HPS4: variants seen among roughly 807,000 people sequenced by gnomAD.
HPS4 encodes HPS4 biogenesis of lysosomal organelles complex 3 subunit 2, also known as BLOC-3 complex member HPS4.
Under a neutral mutation model 70.3 loss-of-function variants are expected in HPS4, and 44 were observed. The observed-to-expected ratio is 0.63, with a 90% CI of 0.49 to 0.80. The LOEUF is 0.80. Among genes scored for constraint, HPS4 ranks in the 30% least tolerant of loss-of-function variants. The pLI is 0.00. For synonymous variants in HPS4, 377 were observed against 355.9 expected (o/e 1.06, Z -0.67); for missense variants, 873 against 884.4 (o/e 0.99, Z 0.16).
At position 26,453,072 on chromosome 22, in the gene HPS4, A is replaced by C; in HGVS notation, c.*161T>G. The C allele has an allele frequency of 1.3e-6, 1 of 772,778 alleles. No homozygotes were observed. Among genetic ancestry groups the C allele is most frequent in the Non-Finnish European group, 2.1e-6 (1 of 472,800 alleles). The allele number at this position is 772,778 out of a possible 1,614,324, so 47.9% of individuals were successfully genotyped here. ...AAGAACTAACCCCTGCCCCCAAAACACATCCCAATCTGCAAAAGGAATAAC... is the reference window on the plus strand; with the variant it reads ...AAGAACTAACCCCTGCCCCCAAAACCCATCCCAATCTGCAAAAGGAATAAC... On this transcript the variant is annotated 3_prime_UTR_variant, in exon 14 of 14. Transcript: ENST00000398145.
chr22:26,471,446 G>T, intron 6 of HPS4: 1 of 454,048 alleles, frequency 2.2e-6, no homozygotes, highest in African/African-American at 2.0e-5. Flanking sequence ...ATAACCAGCA[G>T]CCTCCTCAGA....
intron 9 of HPS4, 26 bp from the exon 10 acceptor site, chr22:26,465,577 G>C (rs2088390292): frequency 6.3e-7 from 1 of 1,593,236 alleles, no homozygotes; most frequent in South Asian, 1.1e-5. Flanking sequence ...AATATGAACA[G>C]GACTTTCCCC....
chr22:26,476,238 T>C (rs984198209), intron 4 of HPS4: 2 of 152,200 alleles, frequency 1.3e-5, no homozygotes, highest in South Asian at 4.1e-4. Flanking sequence ...AAGTTGAATA[T>C]AGCATCCCAC....
At chr22:26,450,324 G>A (rs117533391), downstream of HPS4, among the ~76,000 whole-genome samples, 19 of 152,264 alleles carry the variant, frequency 1.2e-4, no homozygotes, top group East Asian at 3.3e-3. Context: ...CGAGCAGGGC[G>A]GGGTGTTAAG....
At chr22:26,463,784 C>T (rs1229511570) in intron 11 of HPS4, 133 bp downstream of exon 11, 21 of 938,978 alleles carry the variant, frequency 2.2e-5, no homozygotes, top group African/African-American at 8.1e-5. Context: ...TAAACAAGAA[C>T]GTCTTGCCCA....
rs2091348637 is a variant in HPS4, at chr22:26,482,204, T to C, written c.-442A>G. 1 of 191,248 alleles carries C rather than the reference T, an allele frequency of 5.2e-6. No homozygotes were observed. Among genetic ancestry groups the C allele is most frequent in the African/African-American group, 2.4e-5 (1 of 42,242 alleles). 11.8% of individuals were successfully genotyped at this position (191,248 alleles called of 1,614,324 possible). A position where few individuals can be genotyped will look rare whatever the true frequency, so the allele number is the denominator to read the frequency against. On this transcript the variant is annotated 5_prime_UTR_variant, in exon 2 of 14. Transcript: ENST00000398145. ...CCATCCTGAAGACTCTTATTAAACG[T>C]TTTGAAGTTTCCAGTTCAAACATCA...
At chr22:26,457,373 T>C (rs2146342017) in intron 13 of HPS4, among the ~76,000 whole-genome samples, 1 of 152,128 alleles carries the variant, frequency 6.6e-6, no homozygotes, top group East Asian at 1.9e-4. Flanking sequence ...CCCACCACCC[T>C]GCCCAGCTAA....
chr22:26,446,432 T>C (rs1406907480), downstream of HPS4, among the ~76,000 whole-genome samples: 1 of 152,188 alleles, frequency 6.6e-6, no homozygotes, highest in African/African-American at 2.4e-5. Context: ...GGTCCTTGAC[T>C]GTGGCTGCAC....
Position 26,453,233 on chromosome 22 carries a change from T to A in HPS4, c.2127A>T (p.Ter709CysextTer6), listed in dbSNP as rs2085496096. Residue 709 changes from the stop codon to cysteine, a stop_lost, in exon 14 of 14, where the codon TGA (stop) becomes TGT (cysteine). Coordinates refer to ENST00000398145, the MANE Select transcript of HPS4 (RefSeq NM_022081.6). The stretch of plus-strand genomic sequence containing the variant: ...TTCCCAGTCACCTCCTGGGTGCAGT[T>A]CAGAGCAAGTTCACCCCGTGCTTCA... ...KLLKHGVNLL[*>C] 6.2e-7 allele frequency: 1 copy of A among 1,614,078 alleles called. No individual in the cohort carries two copies. Among genetic ancestry groups the A allele is most frequent in the African/African-American group, 1.3e-5 (1 of 74,940 alleles).
At chr22:26,444,186 T>G (rs2084886488), downstream of HPS4, 1 of 151,912 alleles carries the variant, frequency 6.6e-6, no homozygotes, top group African/African-American at 2.4e-5. Flanking sequence ...ATAATAGATC[T>G]GACCAAAGTT....
chr22:26,446,777 C>T (rs2084968042), downstream of HPS4, among the ~76,000 whole-genome samples: 1 of 152,212 alleles, frequency 6.6e-6, no homozygotes, highest in Non-Finnish European at 1.5e-5. Flanking sequence ...CTCTGTTGCC[C>T]AGGCTGGAGT....
intron 9 of HPS4, 87 bp from the exon 10 acceptor site, chr22:26,465,638 A>G: frequency 9.1e-7 from 1 of 1,101,494 alleles, no homozygotes; most frequent in Admixed American, 1.7e-5. Context: ...GATGCATCCA[A>G]CCCACACGTG....
chr22:26,461,065 G>C (rs1324611510), intron 11 of HPS4, among the ~76,000 whole-genome samples: 1 of 152,190 alleles, frequency 6.6e-6, no homozygotes, highest in African/African-American at 2.4e-5. Context: ...AACAGCCCTA[G>C]GCAACACAGA....
At position 26,472,325 on chromosome 22, in the gene HPS4, G is replaced by C; in HGVS notation, c.478C>G (p.Leu160Val). The C allele has an allele frequency of 6.2e-7, 1 of 1,610,456 alleles. No homozygotes were observed. Among genetic ancestry groups the C allele is most frequent in the Non-Finnish European group, 8.5e-7 (1 of 1,176,692 alleles). Reference sequence around the variant, plus strand: ...ACTTTAGTTTGGTCCAAGTTCCAGAGGGAATTGAAAATCTTATGCAGATCA... The same window carrying C: ...ACTTTAGTTTGGTCCAAGTTCCAGACGGAATTGAAAATCTTATGCAGATCA... ...TSDLHKIFNS[L>V]WNLDQTKVEP... Residue 160 changes from leucine to valine, a missense_variant, in exon 6 of 14, where the codon CTC (leucine) becomes GTC (valine). By Grantham distance (32) the Leu-to-Val change is conservative (BLOSUM62 1). Transcript: ENST00000398145.
chr22:26,476,954 A>G, intron 4 of HPS4, 39 bp downstream of exon 4: 1 of 1,609,998 alleles, frequency 6.2e-7, no homozygotes, highest in South Asian at 1.1e-5. Context: ...TAAACTTATC[A>G]TTGCAACACT....
chr22:26,464,756 C>A lies in HPS4; in HGVS notation c.874G>T (p.Ala292Ser). The A allele has an allele frequency of 1.3e-6, 2 of 1,586,870 alleles. No homozygotes were observed. Among genetic ancestry groups the A allele is most frequent in the Non-Finnish European group, 1.7e-6 (2 of 1,165,872 alleles). Reference protein sequence around the residue: ...QHHPKGGSTSALKENATGHVE... With the variant: ...QHHPKGGSTSSLKENATGHVE... ...TGGCCAGTGGCGTTTTCTTTCAGGG[C>A]AGATGTGCTCCCACCCTTTGGATGG... Residue 292 changes from alanine to serine, a missense_variant, in exon 11 of 14, where the codon GCC becomes TCC. Ala to Ser is a moderately conservative substitution (Grantham distance 99, BLOSUM62 1). Transcript: ENST00000398145.
At chr22:26,474,175 G>C (rs1161495031) in intron 4 of HPS4, among the ~76,000 whole-genome samples, 1 of 152,186 alleles carries the variant, frequency 6.6e-6, no homozygotes, top group Non-Finnish European at 1.5e-5. Flanking sequence ...CTGGTTTCAA[G>C]ACTTACTATA....
chr22:26,469,104 C>T (rs893182934), intron 7 of HPS4, among the ~76,000 whole-genome samples: 2 of 151,894 alleles, frequency 1.3e-5, no homozygotes, highest in Non-Finnish European at 2.9e-5. Context: ...GACAAACACA[C>T]AGAAAGAGCA....
intron 11 of HPS4, among the ~76,000 whole-genome samples, chr22:26,460,819 G>A (rs1569040998): frequency 6.6e-6 from 1 of 152,104 alleles, no homozygotes; most frequent in Non-Finnish European, 1.5e-5. Flanking sequence ...CTTGGTTGGG[G>A]AAAAAAGTCA....
Sources: allele counts gnomAD v4.1 joint callset (sites outside exome capture counted in the v4.1 genomes callset), GRCh38; gene constraint gnomAD v4.1.1; transcripts MANE v1.5; gene names NCBI Gene and HGNC (gene_info 2026-07-23, HGNC 2026-07-21).